ITPR1: variants seen among roughly 807,000 people sequenced by gnomAD.
The protein encoded by ITPR1 is inositol 1,4,5-trisphosphate receptor type 1.
In ITPR1, 96 loss-of-function variants were observed where a neutral mutation model predicts 318.4. That is an observed-to-expected ratio of 0.30 (90% CI 0.26 to 0.36). The LOEUF (loss-of-function observed/expected upper bound fraction) is 0.36, where lower values mean the gene tolerates loss of function less well. ITPR1 is among the 10% of genes least tolerant of loss of function. ITPR1 has a pLI of 1.00. For missense variants in ITPR1, 2,440 were observed against 3,460.2 expected (o/e 0.71, Z 7.40); for synonymous variants, 1,312 against 1,289.9 (o/e 1.02, Z -0.37).
At chr3:4,661,388 G>C (rs1559636630) in intron 14 of ITPR1, among the ~76,000 whole-genome samples, 1 of 152,194 alleles carries the variant, frequency 6.6e-6, no homozygotes, top group Non-Finnish European at 1.5e-5. Context: ...TTGGGCTGGG[G>C]AATGTTTGCT....
At chr3:4,708,560 T>C (rs1389222869) in intron 37 of ITPR1, among the ~76,000 whole-genome samples, 2 of 152,230 alleles carry the variant, frequency 1.3e-5, no homozygotes, top group Non-Finnish European at 2.9e-5. Context: ...AGGGATGTTG[T>C]AGACTCCTCA....
At chr3:4,541,953 T>G (rs2084501059) in intron 4 of ITPR1, among the ~76,000 whole-genome samples, 1 of 152,196 alleles carries the variant, frequency 6.6e-6, no homozygotes, top group Admixed American at 6.6e-5. Flanking sequence ...TCTCGCCATC[T>G]TTTTCATCTT....
At chr3:4,686,847 T>G (rs1306786114) in intron 30 of ITPR1, among the ~76,000 whole-genome samples, 1 of 152,222 alleles carries the variant, frequency 6.6e-6, no homozygotes, top group Non-Finnish European at 1.5e-5. Flanking sequence ...TGGAACTGTT[T>G]AAGGTTACAG....
At chr3:4,620,133 T>C (rs2092570320) in intron 4 of ITPR1, among the ~76,000 whole-genome samples, 1 of 152,110 alleles carries the variant, frequency 6.6e-6, no homozygotes, top group African/African-American at 2.4e-5. Flanking sequence ...GAGCTATAGT[T>C]AGAAGACGAT....
intron 33 of ITPR1, among the ~76,000 whole-genome samples, chr3:4,695,568 T>G (rs1157261756): frequency 6.6e-6 from 1 of 152,174 alleles, no homozygotes; most frequent in African/African-American, 2.4e-5. Context: ...CCCCAAGGGC[T>G]GTCTCCTGAG....
chr3:4,801,173 T>G (rs1157673468), intron 54 of ITPR1, among the ~76,000 whole-genome samples: 1 of 152,110 alleles, frequency 6.6e-6, no homozygotes, highest in Non-Finnish European at 1.5e-5. Context: ...TAGGACAAAC[T>G]GATATAAAAC....
At chr3:4,665,774 A>G (rs1388885107) in intron 17 of ITPR1, among the ~76,000 whole-genome samples, 2 of 152,218 alleles carry the variant, frequency 1.3e-5, no homozygotes, top group African/African-American at 4.8e-5. Context: ...TATTATACAT[A>G]GTATATGTGT....
intron 44 of ITPR1, among the ~76,000 whole-genome samples, chr3:4,736,541 G>T (rs1278769166): frequency 6.6e-6 from 1 of 152,238 alleles, no homozygotes; most frequent in Admixed American, 6.5e-5. Context: ...GTACACTTTT[G>T]AAGTTCATTG....
chr3:4,638,205 T>C (rs968938788), intron 5 of ITPR1, among the ~76,000 whole-genome samples: 2 of 152,174 alleles, frequency 1.3e-5, no homozygotes, highest in African/African-American at 4.8e-5. Context: ...AAGGAGACCC[T>C]CTAGGAAGAG....
intron 4 of ITPR1, among the ~76,000 whole-genome samples, chr3:4,582,978 T>C (rs896734181): frequency 3.3e-5 from 5 of 152,326 alleles, no homozygotes; most frequent in African/African-American, 1.2e-4. Flanking sequence ...ATTTTCCTTC[T>C]TTCTTTCTTT....
chr3:4,720,160 A>AT (rs1426609533), intron 40 of ITPR1, among the ~76,000 whole-genome samples: 1 of 152,164 alleles, frequency 6.6e-6, no homozygotes, highest in Non-Finnish European at 1.5e-5. Flanking sequence ...GTCCAGGGGG[A>AT]TTTGGATACA....
chr3:4,765,924 CT>C (rs924452721), intron 44 of ITPR1, among the ~76,000 whole-genome samples: 1 of 152,116 alleles, frequency 6.6e-6, no homozygotes, highest in African/African-American at 2.4e-5. Context: ...TGAAGATGAC[CT>C]TTTTCTTGAA....
At chr3:4,629,038 G>C (rs188041855) in intron 5 of ITPR1, among the ~76,000 whole-genome samples, 1 of 147,426 alleles carries the variant, frequency 6.8e-6, no homozygotes, top group Non-Finnish European at 1.5e-5. Context: ...TCACCTCAGG[G>C]AGCTTACAGT....
intron 16 of ITPR1, among the ~76,000 whole-genome samples, chr3:4,664,283 C>T (rs1179860603): frequency 6.6e-6 from 1 of 152,074 alleles, no homozygotes. Context: ...TGTAAATAAA[C>T]TGGTATAAAG....
At chr3:4,668,683 G>A (rs546706156) in intron 18 of ITPR1, among the ~76,000 whole-genome samples, 2 of 152,258 alleles carry the variant, frequency 1.3e-5, no homozygotes, top group East Asian at 1.9e-4. Flanking sequence ...GGCCAGGCTG[G>A]TCTTGAACTC....
At chr3:4,495,569 C>T (rs2080485894) in intron 2 of ITPR1, among the ~76,000 whole-genome samples, 1 of 152,186 alleles carries the variant, frequency 6.6e-6, no homozygotes, top group Non-Finnish European at 1.5e-5. Flanking sequence ...GCCCAGTTCC[C>T]CTTTTCAGAA....
chr3:4,648,327 A>G (rs928219925), intron 10 of ITPR1, among the ~76,000 whole-genome samples: 2 of 152,142 alleles, frequency 1.3e-5, no homozygotes, highest in African/African-American at 4.8e-5. Context: ...CTACACAGGG[A>G]CCTGTCAATC....
At position 4,544,501 on chromosome 3, in the gene ITPR1, C is replaced by G. The variant is rs1206461379; in HGVS notation, c.163+23407C>G. Among the ~76,000 whole-genome samples the G allele has an allele frequency of 2.6e-5, 4 of 152,172 alleles. No individual in the cohort carries two copies. The East Asian group carries it at 5.8e-4, about 22-fold the overall frequency. ...CAGAGGCTTTAATGAGTAATAGGCA[C>G]TTCATTTGTTTTATTGGCTTGCATC... On this transcript the variant is annotated intron_variant, in intron 4 of 61. Transcript: ENST00000649015.
intron 2 of ITPR1, among the ~76,000 whole-genome samples, chr3:4,504,852 T>G (rs539552041): frequency 3.2e-4 from 48 of 152,338 alleles, no homozygotes; most frequent in Non-Finnish European, 6.0e-4. Context: ...TATATGTACC[T>G]GGGTGAGGGC....
Sources: gnomAD v4.1 joint callset for allele counts (sites outside exome capture counted in the v4.1 genomes callset) on GRCh38, gnomAD v4.1.1 for gene constraint, MANE v1.5 for transcripts, NCBI Gene and HGNC (gene_info 2026-07-23, HGNC 2026-07-21) for gene names.